Variants in MTFR2 observed in about 807,000 individuals in gnomAD.
MTFR2 encodes DUF729 domain-containing protein 1.
MTFR2 carries 44 observed loss-of-function variants against 41.2 expected under a neutral mutation model. The ratio of observed to expected loss-of-function variants is 1.07; its 90% confidence interval spans 0.84 to 1.37. MTFR2 has a LOEUF of 1.37. MTFR2 is among the 40% of genes most tolerant of loss of function. MTFR2 has a pLI of 0.00. For missense variants in MTFR2, 452 were observed against 459.5 expected, an observed-to-expected ratio of 0.98 and a Z score of 0.15; for synonymous variants, 141 against 154.6, an observed-to-expected ratio of 0.91 and a Z score of 0.65.
chr6:136,231,669 T>TAAAAAAAAAAAAAAAAAAAA (rs71006791), intron 7 of MTFR2, among the ~76,000 whole-genome samples: 21 of 82,926 alleles, frequency 2.5e-4, no homozygotes, highest in African/African-American at 9.4e-4. Flanking sequence ...AAAAACTATG[T>TAAAAAAAAAAAAAAAAAAAA]AAAAAAAAAA....
At position 136,241,453 on chromosome 6, in the gene MTFR2, T is replaced by C. The variant is rs1339216324; in HGVS notation, c.505A>G (p.Thr169Ala). 6.2e-7 allele frequency: 1 copy of C among 1,612,032 alleles called. No homozygotes were observed. Among genetic ancestry groups the C allele is most frequent in the Admixed American group, 1.7e-5 (1 of 59,864 alleles). Reference sequence around the variant, plus strand: ...TCCTACTGTTACTTACTAGAATTTGTACTATTTTTCAGTTCCTGCATTTCC... The same window carrying C: ...TCCTACTGTTACTTACTAGAATTTGCACTATTTTTCAGTTCCTGCATTTCC... ...IVEMQELKNS[T>A]NSSSFGLSDE... Residue 169 changes from threonine (T) to alanine (A), a missense_variant, in exon 5 of 8, where the codon ACA (threonine) becomes GCA (alanine). Coordinates refer to ENST00000420702, the MANE Select transcript of MTFR2 (RefSeq NM_001099286.3).
intron 5 of MTFR2, among the ~76,000 whole-genome samples, chr6:136,240,828 A>T (rs551119035): frequency 6.7e-6 from 1 of 148,172 alleles, no homozygotes; most frequent in Non-Finnish European, 1.5e-5. Context: ...GCGGTGGCTC[A>T]CGCCTGTAAT....
chr6:136,240,754 C>CTTTAATGAAGAGTTAGAA (rs1780032898), intron 5 of MTFR2, among the ~76,000 whole-genome samples: 1 of 152,204 alleles, frequency 6.6e-6, no homozygotes, highest in Non-Finnish European at 1.5e-5. Flanking sequence ...CAAACCAATG[C>CTTTAATGAAGAGTTAGAA]ATTCTTCCTC....
At chr6:136,244,922 T>C in intron 2 of MTFR2, 53 bp from the exon 3 acceptor site, 1 of 1,324,294 alleles carries the variant, frequency 7.6e-7, no homozygotes, top group Admixed American at 2.4e-5. Context: ...AGCATATTTA[T>C]ATAAGTATGA....
intron 6 of MTFR2, among the ~76,000 whole-genome samples, chr6:136,237,091 T>G (rs1265485212): frequency 6.6e-6 from 1 of 152,172 alleles, no homozygotes; most frequent in Non-Finnish European, 1.5e-5. Context: ...TGACCTGACT[T>G]GCACCCGCTG....
At position 136,239,800 on chromosome 6, in the gene MTFR2, C is replaced by T. The variant is rs371009166; in HGVS notation, c.535G>A (p.Glu179Lys). 48 of 1,607,718 alleles carry T rather than the reference C, an allele frequency of 3.0e-5. No homozygotes were observed. Among genetic ancestry groups the T allele is most frequent in the African/African-American group, 2.1e-4 (16 of 74,676 alleles). ...TNSSSFGLSDERISLGQLSSS... is the reference protein window; with the variant it reads ...TNSSSFGLSDKRISLGQLSSS... ...GACAGCTGACCCAAACTAATGCGCTCGTCACTCAAGCCAAAGGAACCTACA... is the reference window on the plus strand; with the variant it reads ...GACAGCTGACCCAAACTAATGCGCTTGTCACTCAAGCCAAAGGAACCTACA... Residue 179 changes from glutamate (E) to lysine (K), a missense_variant, in exon 6 of 8, where the codon GAG becomes AAG. Coordinates refer to ENST00000420702, the MANE Select transcript of MTFR2 (RefSeq NM_001099286.3).
chr6:136,242,291 A>G (rs1264215153), intron 4 of MTFR2, among the ~76,000 whole-genome samples: 1 of 152,124 alleles, frequency 6.6e-6, no homozygotes, highest in African/African-American at 2.4e-5. Context: ...ATTACCTGCA[A>G]TTGTTCTACT....
intron 7 of MTFR2, among the ~76,000 whole-genome samples, chr6:136,231,669 T>TAAAAAAAAAAAAAAAAAAAAAAAAAAA (rs71006791): frequency 3.6e-5 from 3 of 82,942 alleles, no homozygotes; most frequent in African/African-American, 1.4e-4. Flanking sequence ...AAAAACTATG[T>TAAAAAAAAAAAAAAAAAAAAAAAAAAA]AAAAAAAAAA....
intron 6 of MTFR2, among the ~76,000 whole-genome samples, chr6:136,238,433 C>T (rs1480919067): frequency 6.6e-6 from 1 of 151,852 alleles, no homozygotes; most frequent in Non-Finnish European, 1.5e-5. Flanking sequence ...CAGTGAAATC[C>T]TGTCTCTATT....
At chr6:136,241,320 A>T (rs962774721) in intron 5 of MTFR2, 124 bp downstream of exon 5, 3 of 704,488 alleles carry the variant, frequency 4.3e-6, no homozygotes, top group African/African-American at 3.6e-5. Context: ...TACTCACTTA[A>T]ATACTAGATG....
chr6:136,236,600 C>G (rs756373788), intron 6 of MTFR2, among the ~76,000 whole-genome samples: 7 of 152,162 alleles, frequency 4.6e-5, no homozygotes, highest in Non-Finnish European at 8.8e-5. Flanking sequence ...TGGGACCAAG[C>G]ATGCACCTAC....
At chr6:136,238,699 CACACACACAT>C (rs888737709) in intron 6 of MTFR2, among the ~76,000 whole-genome samples, 42 of 151,700 alleles carry the variant, frequency 2.8e-4, no homozygotes, top group Non-Finnish European at 8.8e-5. Context: ...CACACACACA[CACACACACAT>C]GGAACTCAGA....
chr6:136,246,920 T>C (rs548143174), intron 2 of MTFR2, among the ~76,000 whole-genome samples: 147 of 152,302 alleles, frequency 9.7e-4, no homozygotes, highest in Admixed American at 3.2e-3. Flanking sequence ...CAGAGCAGTC[T>C]CCAATCTCTG....
At chr6:136,242,240 G>A (rs1780100321) in intron 4 of MTFR2, among the ~76,000 whole-genome samples, 1 of 152,110 alleles carries the variant, frequency 6.6e-6, no homozygotes, top group Admixed American at 6.5e-5. Flanking sequence ...ACCAGGGAAT[G>A]AACAAAACAA....
rs74370473 is a variant in MTFR2 at position 136,239,689 on chromosome 6, G to C, written c.646C>G (p.Pro216Ala). 933 of 1,614,004 alleles carry C rather than the reference G, an allele frequency of 5.8e-4. 5 individuals are homozygous for C. The African/African-American group carries it at 0.01, about 18-fold the overall frequency. ...GGTGGCTGGAGAGATGAAAACTGAG[G>C]AGGAAGTGGTGGAGGAGGAGGAGGA... ...LSPPPPPPLP[P>A]QFSSLQPPCF... Residue 216 changes from proline to alanine, a missense_variant, in exon 6 of 8, where the codon CCT (proline) becomes GCT (alanine). By Grantham distance (27) the Pro-to-Ala change is conservative (BLOSUM62 -1). Coordinates refer to ENST00000420702, the MANE Select transcript of MTFR2 (RefSeq NM_001099286.3).
intron 2 of MTFR2, among the ~76,000 whole-genome samples, chr6:136,247,162 C>T (rs1488757355): frequency 6.6e-6 from 1 of 152,160 alleles, no homozygotes; most frequent in Non-Finnish European, 1.5e-5. Flanking sequence ...CCAGCCTGGC[C>T]AACGTGGTAA....
chr6:136,246,668 T>C (rs1357588960), intron 2 of MTFR2, among the ~76,000 whole-genome samples: 1 of 152,180 alleles, frequency 6.6e-6, no homozygotes. Context: ...CTACCAAGCA[T>C]GGATTTTCTG....
intron 7 of MTFR2, among the ~76,000 whole-genome samples, chr6:136,232,508 A>G (rs1208237987): frequency 6.6e-6 from 1 of 152,014 alleles, no homozygotes; most frequent in African/African-American, 2.4e-5. Context: ...TGATCTGCCC[A>G]CCTCAGCCTC....
Position 136,239,819 on chromosome 6 carries a change from A to G in MTFR2, c.516T>C (p.Ser172=). The G allele has an allele frequency of 1.9e-6, 3 of 1,595,270 alleles. No homozygotes were observed. The highest frequency in any genetic ancestry group is 2.6e-6 in the Non-Finnish European group (3 of 1,169,964). The part of the protein sequence containing the change: ...MQELKNSTNS[S]SFGLSDERIS... ...TGCGCTCGTCACTCAAGCCAAAGGA[A>G]CCTACAAACAAAGTGGTTTATTACA... The change falls in exon 6 of 8, where the codon AGT becomes AGC. Residue 172 remains serine (S), a splice_region_variant and synonymous_variant. Coordinates refer to ENST00000420702, the MANE Select transcript of MTFR2 (RefSeq NM_001099286.3).
Sources: gnomAD v4.1 joint callset for allele counts (sites outside exome capture counted in the v4.1 genomes callset) on GRCh38, gnomAD v4.1.1 for gene constraint, MANE v1.5 for transcripts, NCBI Gene and HGNC (gene_info 2026-07-23, HGNC 2026-07-21) for gene names.